The following XRN2 variants were observed in gnomAD, a reference collection of about 807,000 sequenced individuals.
XRN2 encodes 5'-3' exoribonuclease 2, also known as DHM1-like protein.
In XRN2, 44 loss-of-function variants were observed where a neutral mutation model predicts 138.5. That is an observed-to-expected ratio of 0.32 (90% CI 0.25 to 0.41). XRN2 has a LOEUF of 0.41. Ranked by LOEUF, XRN2 falls within the 10% of genes least tolerant of loss-of-function variation. The pLI, the probability that XRN2 is intolerant of heterozygous loss-of-function variation, is 1.00. For synonymous variants in XRN2, 354 were observed against 369.4 expected, an observed-to-expected ratio of 0.96 and a Z score of 0.48; for missense variants, 937 against 1,169.3, an observed-to-expected ratio of 0.80 and a Z score of 2.90.
At position 21,316,401 on chromosome 20, in the gene XRN2, G is replaced by T. The variant is rs189370220; in HGVS notation, c.76-9878G>T. 2.6e-5 allele frequency among the ~76,000 whole-genome samples: 4 copies of T among 152,250 alleles called. No individual in the cohort carries two copies. The East Asian group carries it at 7.7e-4, about 29-fold the overall frequency. On this transcript the variant is annotated intron_variant, in intron 1 of 29. Coordinates refer to ENST00000377191, the MANE Select transcript of XRN2 (RefSeq NM_012255.5). ...CACAAATATTTACACCTGTTTTTCG[G>T]AAGAGTTTTATAGCTTTAGCTCTTA...
At chr20:21,351,952 A>C (rs2038515635) in intron 20 of XRN2, among the ~76,000 whole-genome samples, 1 of 152,198 alleles carries the variant, frequency 6.6e-6, no homozygotes, top group South Asian at 2.1e-4. Flanking sequence ...ATACTGTTGT[A>C]ATTACTGTCG....
chr20:21,361,770 G>A (rs1013798686), intron 24 of XRN2, among the ~76,000 whole-genome samples: 4 of 152,224 alleles, frequency 2.6e-5, no homozygotes, highest in African/African-American at 4.8e-5. Context: ...TTCCTGCTTA[G>A]TCTGTGTGTT....
intron 27 of XRN2, among the ~76,000 whole-genome samples, chr20:21,379,865 A>G (rs905147818): frequency 2.0e-5 from 3 of 152,220 alleles, no homozygotes; most frequent in African/African-American, 7.2e-5. Context: ...CTTCATCTCC[A>G]TTAGCACAGT....
chr20:21,356,825 A>G (rs944388166), intron 23 of XRN2, among the ~76,000 whole-genome samples, 160 bp downstream of exon 23: 2 of 152,204 alleles, frequency 1.3e-5, no homozygotes, highest in African/African-American at 2.4e-5. Context: ...TTCAAAGCCT[A>G]GCTCTTCAAA....
At chr20:21,378,478 C>T (rs1600719283) in intron 27 of XRN2, among the ~76,000 whole-genome samples, 1 of 152,184 alleles carries the variant, frequency 6.6e-6, no homozygotes, top group Non-Finnish European at 1.5e-5. Flanking sequence ...ACTCTGTGAC[C>T]TCTGACAGGT....
chr20:21,375,619 A>T (rs1025893383), intron 27 of XRN2, among the ~76,000 whole-genome samples: 13 of 151,480 alleles, frequency 8.6e-5, no homozygotes, highest in Non-Finnish European at 1.9e-4. Context: ...ATAATCTTTT[A>T]AAAATATATT....
At chr20:21,330,756 C>T (rs1458120926) in intron 6 of XRN2, 51 bp downstream of exon 6, 2 of 1,511,966 alleles carry the variant, frequency 1.3e-6, no homozygotes, top group Admixed American at 3.4e-5. Context: ...TCATTCGAGG[C>T]TGTACTTTGA....
intron 16 of XRN2, among the ~76,000 whole-genome samples, chr20:21,346,049 A>C (rs2038431702): frequency 6.6e-6 from 1 of 152,248 alleles, no homozygotes; most frequent in Admixed American, 6.5e-5. Flanking sequence ...AACTATTTAA[A>C]ATATCTTCAA....
At chr20:21,382,889 A>C (rs962877955) in intron 28 of XRN2, among the ~76,000 whole-genome samples, 6 of 152,216 alleles carry the variant, frequency 3.9e-5, no homozygotes, top group Non-Finnish European at 7.3e-5. Context: ...TGCAAAAACA[A>C]ATTAAGCCCC....
At chr20:21,338,468 T>C (rs1004362345) in intron 13 of XRN2, among the ~76,000 whole-genome samples, 3 of 152,124 alleles carry the variant, frequency 2.0e-5, no homozygotes, top group East Asian at 1.9e-4. Flanking sequence ...TTCCTTTTTT[T>C]CCATCGGATT....
intron 20 of XRN2, among the ~76,000 whole-genome samples, chr20:21,354,243 A>AT (rs1028537878): frequency 6.6e-6 from 1 of 152,140 alleles, no homozygotes; most frequent in Admixed American, 6.5e-5. Context: ...AGTCTTTAAA[A>AT]TTTTTTTGTA....
intron 13 of XRN2, among the ~76,000 whole-genome samples, chr20:21,335,508 A>G (rs1056342185): frequency 1.3e-5 from 2 of 152,172 alleles, no homozygotes; most frequent in Non-Finnish European, 2.9e-5. Flanking sequence ...ATTTTATGTA[A>G]CATAGTGGGT....
At chr20:21,378,221 T>C (rs1023234277) in intron 27 of XRN2, among the ~76,000 whole-genome samples, 1 of 152,176 alleles carries the variant, frequency 6.6e-6, no homozygotes, top group African/African-American at 2.4e-5. Flanking sequence ...TGGATATGAG[T>C]AATAATGTCG....
chr20:21,360,484 A>C (rs1399847498), intron 24 of XRN2, among the ~76,000 whole-genome samples: 1 of 149,832 alleles, frequency 6.7e-6, no homozygotes, highest in Non-Finnish European at 1.5e-5. Flanking sequence ...CATAGCACCT[A>C]GCAGAGTTCT....
At chr20:21,303,797 T>A in intron 1 of XRN2, 1 of 1,102,034 alleles carries the variant, frequency 9.1e-7, no homozygotes, top group Non-Finnish European at 1.1e-6. Context: ...AGACCGCGCA[T>A]TTTGGGTCTC....
At chr20:21,347,894 A>G (rs2038458185) in intron 17 of XRN2, among the ~76,000 whole-genome samples, 1 of 152,248 alleles carries the variant, frequency 6.6e-6, no homozygotes, top group East Asian at 1.9e-4. Context: ...GAAGTTTGGC[A>G]GTAACTACTG....
intron 27 of XRN2, among the ~76,000 whole-genome samples, chr20:21,377,921 G>A (rs747941696): frequency 9.9e-5 from 15 of 152,128 alleles, no homozygotes; most frequent in Non-Finnish European, 1.6e-4. Context: ...AGGCTGTCAC[G>A]GCTTCGAGAG....
chr20:21,310,807 C>T (rs914445812), intron 1 of XRN2, among the ~76,000 whole-genome samples: 4 of 151,558 alleles, frequency 2.6e-5, no homozygotes, highest in Non-Finnish European at 5.9e-5. Context: ...TGTAGTGGCG[C>T]GATCTCGGCT....
Position 21,332,315 on chromosome 20 carries a change from G to GA in XRN2, c.735dup (p.Pro246ThrfsTer7), listed in dbSNP as rs753541584. On this transcript the variant is annotated frameshift_variant, in exon 9 of 30. Coordinates refer to ENST00000377191, the MANE Select transcript of XRN2 (RefSeq NM_012255.5). LOFTEE classifies it high-confidence loss of function. ...CATTATGCTTGGCCTTGCCACACAT[G>GA]AACCGAACTTTACCATTATTAGAGA... 2 of 1,613,266 alleles carry GA rather than the reference G, an allele frequency of 1.2e-6. No homozygotes were observed. The highest frequency in any genetic ancestry group is 1.7e-6 in the Non-Finnish European group (2 of 1,179,640).
Sources: gnomAD v4.1 joint callset for allele counts (sites outside exome capture counted in the v4.1 genomes callset) on GRCh38, gnomAD v4.1.1 for gene constraint, MANE v1.5 for transcripts, NCBI Gene and HGNC (gene_info 2026-07-23, HGNC 2026-07-21) for gene names.